The following APOLD1 variants were observed in gnomAD, a reference collection of about 807,000 sequenced individuals.
APOLD1 encodes the protein apolipoprotein L domain-containing protein 1.
A neutral mutation model predicts 15.3 loss-of-function variants in APOLD1; 22 were observed. That is an observed-to-expected ratio of 1.44 (90% CI 1.03 to 2.05). APOLD1 has a LOEUF of 2.05. Ranked by LOEUF, APOLD1 falls within the 30% of genes most tolerant of loss-of-function variation. The pLI, the probability that APOLD1 is intolerant of heterozygous loss-of-function variation, is 0.00. For synonymous variants in APOLD1, 190 were observed against 167.4 expected (o/e 1.13, Z -1.04); for missense variants, 394 against 353.5 (o/e 1.11, Z -0.92).
intron 1 of APOLD1, among the ~76,000 whole-genome samples, chr12:12,745,535 A>G (rs1265445681): frequency 6.6e-6 from 1 of 152,146 alleles, no homozygotes. Context: ...CTCAGAAAAG[A>G]AAAGACTGAA....
Position 12,788,193 on chromosome 12 carries a change from A to C in APOLD1, c.*541A>C, listed in dbSNP as rs1310306344. The C allele has an allele frequency of 6.5e-6, 1 of 152,738 alleles. No homozygotes were observed. The highest frequency in any genetic ancestry group is 1.5e-5 in the Non-Finnish European group (1 of 68,536). The allele number at this position is 152,738 out of a possible 1,614,324, so 9.5% of individuals were successfully genotyped here. On this transcript the variant is annotated 3_prime_UTR_variant, in exon 2 of 2. Transcript: ENST00000356591. ...ACCCAGAGAGGACCCTGGTGCTGAT[A>C]TCTCCTCCTCTTCCCTTTCCCCTCA...
In APOLD1 at chr12:12,790,307, A is replaced by T. The variant is rs1004989417; in HGVS notation, c.*2655A>T. The T allele has an allele frequency of 6.6e-6, 1 of 152,142 alleles. No individual in the cohort carries two copies. Among genetic ancestry groups the T allele is most frequent in the Admixed American group, 6.5e-5 (1 of 15,272 alleles). 9.4% of individuals were successfully genotyped at this position (152,142 alleles called of 1,614,324 possible). On this transcript the variant is annotated 3_prime_UTR_variant, in exon 2 of 2. Coordinates refer to ENST00000356591, the MANE Select transcript of APOLD1 (RefSeq NM_030817.3). The stretch of plus-strand genomic sequence containing the variant: ...GGCATGAGCCACCTCGCCTGGCCAG[A>T]TGCTAGCATTTTAGATCAAACAATT...
intron 1 of APOLD1, among the ~76,000 whole-genome samples, chr12:12,729,114 C>T (rs962647822): frequency 2.0e-5 from 3 of 152,026 alleles, no homozygotes; most frequent in Non-Finnish European, 4.4e-5. Flanking sequence ...CTCCACATCT[C>T]GATGGGTCCC....
At chr12:12,784,665 G>A (rs1947110269), upstream of APOLD1, among the ~76,000 whole-genome samples, 1 of 152,116 alleles carries the variant, frequency 6.6e-6, no homozygotes, top group Admixed American at 6.5e-5. Flanking sequence ...AACGAATTTG[G>A]CCCTCCTTAT....
chr12:12,728,934 T>A (rs952029212), intron 1 of APOLD1, among the ~76,000 whole-genome samples: 1 of 152,134 alleles, frequency 6.6e-6, no homozygotes, highest in Non-Finnish European at 1.5e-5. Flanking sequence ...ACACCCAACA[T>A]GACAAAGATG....
At chr12:12,745,625 T>G (rs1946759828) in intron 1 of APOLD1, among the ~76,000 whole-genome samples, 1 of 152,130 alleles carries the variant, frequency 6.6e-6, no homozygotes, top group Non-Finnish European at 1.5e-5. Flanking sequence ...AATGGAAAGC[T>G]TCCTATATTG....
chr12:12,749,179 C>T (rs1301167682), intron 1 of APOLD1, among the ~76,000 whole-genome samples: 1 of 151,972 alleles, frequency 6.6e-6, no homozygotes, highest in Non-Finnish European at 1.5e-5. Flanking sequence ...GCTTGAGCTA[C>T]CTGCTAGGAA....
At chr12:12,778,864 G>A (rs1315469374) in intron 1 of APOLD1, among the ~76,000 whole-genome samples, 2 of 152,070 alleles carry the variant, frequency 1.3e-5, no homozygotes, top group South Asian at 2.1e-4. Flanking sequence ...GTGTACCTCT[G>A]AGAACCATCC....
chr12:12,731,497 C>T (rs1946641590), intron 1 of APOLD1, among the ~76,000 whole-genome samples: 1 of 152,100 alleles, frequency 6.6e-6, no homozygotes, highest in Non-Finnish European at 1.5e-5. Context: ...CATACATATG[C>T]AATGACAAAT....
At chr12:12,731,107 C>G (rs1946637798) in intron 1 of APOLD1, among the ~76,000 whole-genome samples, 1 of 152,212 alleles carries the variant, frequency 6.6e-6, no homozygotes, top group Non-Finnish European at 1.5e-5. Context: ...CACCACTGCA[C>G]TCCAGCCTGG....
At chr12:12,743,524 T>A (rs563718389) in intron 1 of APOLD1, among the ~76,000 whole-genome samples, 75 of 151,606 alleles carry the variant, frequency 4.9e-4, no homozygotes, top group Non-Finnish European at 9.9e-4. Context: ...TATGGAAGAG[T>A]GGTTGCTCCC....
At chr12:12,781,579 G>C (rs868852725), upstream of APOLD1, among the ~76,000 whole-genome samples, 5 of 147,010 alleles carry the variant, frequency 3.4e-5, no homozygotes, top group Middle Eastern at 3.5e-3. Context: ...CCAGGCTGGA[G>C]TGCAGTGGCA....
chr12:12,763,151 A>G (rs191114559), intron 1 of APOLD1, among the ~76,000 whole-genome samples: 8 of 152,306 alleles, frequency 5.3e-5, no homozygotes, highest in Non-Finnish European at 1.0e-4. Flanking sequence ...TTAATTGACA[A>G]TAAAAGTTGT....
intron 1 of APOLD1, among the ~76,000 whole-genome samples, chr12:12,774,595 AAAAG>A (rs1947017121): frequency 6.8e-6 from 1 of 147,582 alleles, no homozygotes; most frequent in African/African-American, 2.6e-5. Flanking sequence ...AAAAGTAAAG[AAAAG>A]AAAAGAAAGA....
intron 1 of APOLD1, among the ~76,000 whole-genome samples, chr12:12,746,869 C>T (rs1388469336): frequency 6.6e-6 from 1 of 152,034 alleles, no homozygotes; most frequent in South Asian, 2.1e-4. Flanking sequence ...GTTTAGCACT[C>T]GCTTATAAGT....
intron 1 of APOLD1, among the ~76,000 whole-genome samples, chr12:12,733,095 A>G (rs1255100893): frequency 6.6e-6 from 1 of 151,702 alleles, no homozygotes; most frequent in African/African-American, 2.4e-5. Context: ...AGGCAGATGG[A>G]TAAAGCCCAG....
In APOLD1 at chr12:12,791,308, T is replaced by C. The variant is rs865918273; in HGVS notation, c.*3656T>C. The C allele has an allele frequency of 2.0e-5, 3 of 152,340 alleles. No individual in the cohort carries two copies. Among genetic ancestry groups the C allele is most frequent in the Non-Finnish European group, 4.4e-5 (3 of 68,028 alleles). The allele number at this position is 152,340 out of a possible 1,614,324, so 9.4% of individuals were successfully genotyped here. A position where few individuals can be genotyped will look rare whatever the true frequency, so the allele number is the denominator to read the frequency against. On this transcript the variant is annotated 3_prime_UTR_variant, in exon 2 of 2. Transcript: ENST00000356591. Reference sequence around the variant, plus strand: ...GCAATCAGCCAACGTGGTGTATTTCTCATTCAATATTTTAGTGTGAATTGA... The same window carrying C: ...GCAATCAGCCAACGTGGTGTATTTCCCATTCAATATTTTAGTGTGAATTGA...
At chr12:12,775,378 T>C (rs1041655830) in intron 1 of APOLD1, among the ~76,000 whole-genome samples, 2 of 152,130 alleles carry the variant, frequency 1.3e-5, no homozygotes, top group Admixed American at 1.3e-4. Context: ...TGGATACATG[T>C]CATTAAACAT....
intron 1 of APOLD1, among the ~76,000 whole-genome samples, chr12:12,761,790 C>CAT (rs1451715351): frequency 1.1e-4 from 15 of 134,800 alleles, no homozygotes; most frequent in Admixed American, 6.7e-4. Context: ...TTTGAATGAA[C>CAT]ATATATATAT....
Sources: gnomAD v4.1 joint callset for allele counts (sites outside exome capture counted in the v4.1 genomes callset) on GRCh38, gnomAD v4.1.1 for gene constraint, MANE v1.5 for transcripts, NCBI Gene and HGNC (gene_info 2026-07-23, HGNC 2026-07-21) for gene names.